SFMBT2: variants seen among roughly 807,000 people sequenced by gnomAD.
SFMBT2 encodes the protein scm-like with four MBT domains protein 2.
SFMBT2 carries 38 observed loss-of-function variants against 110.1 expected under a neutral mutation model. The ratio of observed to expected loss-of-function variants is 0.35; its 90% CI spans 0.27 to 0.45. The LOEUF is 0.45. Ranked by LOEUF, SFMBT2 falls within the 20% of genes least tolerant of loss-of-function variation. The pLI, the probability that SFMBT2 is intolerant of heterozygous loss-of-function variation, is 1.00. For missense variants in SFMBT2, 1,011 were observed against 1,094.9 expected (o/e 0.92, Z 1.08); for synonymous variants, 425 against 425.4 (o/e 1.00, Z 0.01).
At chr10:7,246,955 G>A (rs1840635583) in intron 8 of SFMBT2, among the ~76,000 whole-genome samples, 2 of 151,984 alleles carry the variant, frequency 1.3e-5, no homozygotes, top group African/African-American at 4.8e-5. Context: ...TCCGACAACT[G>A]ACAGGATACA....
intron 2 of SFMBT2, among the ~76,000 whole-genome samples, chr10:7,379,760 A>G (rs1407502250): frequency 6.6e-6 from 1 of 152,228 alleles, no homozygotes; most frequent in Non-Finnish European, 1.5e-5. Flanking sequence ...CCGATGCAAG[A>G]GCAAGGAACC....
chr10:7,401,991 T>C (rs768812360), intron 1 of SFMBT2, among the ~76,000 whole-genome samples: 5 of 152,142 alleles, frequency 3.3e-5, no homozygotes, highest in Admixed American at 1.3e-4. Context: ...CATGTACCAA[T>C]TGGTACCATT....
At chr10:7,217,435 C>A (rs556888892) in intron 11 of SFMBT2, among the ~76,000 whole-genome samples, 12 of 152,244 alleles carry the variant, frequency 7.9e-5, no homozygotes, top group African/African-American at 2.9e-4. Flanking sequence ...AACTGCTAAA[C>A]GTGAGCTAGA....
chr10:7,322,128 G>C (rs887913806), intron 4 of SFMBT2, among the ~76,000 whole-genome samples: 2 of 152,144 alleles, frequency 1.3e-5, no homozygotes, highest in East Asian at 1.9e-4. Flanking sequence ...GACCCACTAG[G>C]GGGGAATTGA....
At chr10:7,343,853 T>C (rs1276836396) in intron 4 of SFMBT2, among the ~76,000 whole-genome samples, 1 of 152,204 alleles carries the variant, frequency 6.6e-6, no homozygotes, top group Non-Finnish European at 1.5e-5. Context: ...TGTGACGTTA[T>C]CACTACAACA....
chr10:7,187,060 C>T (rs755951563), intron 16 of SFMBT2, among the ~76,000 whole-genome samples: 3 of 152,210 alleles, frequency 2.0e-5, no homozygotes, highest in Non-Finnish European at 2.9e-5. Flanking sequence ...TAATAAAAAG[C>T]TCTGATCGAC....
At chr10:7,334,237 C>A (rs1261642984) in intron 4 of SFMBT2, among the ~76,000 whole-genome samples, 1 of 152,174 alleles carries the variant, frequency 6.6e-6, no homozygotes, top group African/African-American at 2.4e-5. Flanking sequence ...GCCTGGAGAA[C>A]CAGGCTCAGA....
chr10:7,353,125 T>C (rs188320195), intron 4 of SFMBT2, among the ~76,000 whole-genome samples: 2 of 152,332 alleles, frequency 1.3e-5, no homozygotes, highest in Admixed American at 6.5e-5. Flanking sequence ...TGGCCAAAAG[T>C]TGACTATATT....
intron 9 of SFMBT2, among the ~76,000 whole-genome samples, chr10:7,233,007 G>C (rs570260276): frequency 3.3e-5 from 5 of 152,168 alleles, no homozygotes; most frequent in African/African-American, 1.2e-4. Flanking sequence ...GCTTAAGATG[G>C]GTAGGAGAAG....
chr10:7,228,779 T>TCC (rs1399826529), intron 9 of SFMBT2, among the ~76,000 whole-genome samples: 38 of 119,476 alleles, frequency 3.2e-4, no homozygotes, highest in Middle Eastern at 4.7e-3. Flanking sequence ...TCTCTCTCTC[T>TCC]CTCCCCCTCC....
At chr10:7,221,290 G>A (rs1839727635) in intron 10 of SFMBT2, among the ~76,000 whole-genome samples, 3 of 152,046 alleles carry the variant, frequency 2.0e-5, no homozygotes, top group African/African-American at 7.2e-5. Flanking sequence ...TAAAAGGTCG[G>A]GTGTGGTGGC....
rs766859921 is a variant in SFMBT2 at position 7,171,070 on chromosome 10, G to A, written c.2416-14C>T. The A allele has an allele frequency of 6.2e-7, 1 of 1,613,976 alleles. No individual in the cohort carries two copies. Among genetic ancestry groups the A allele is most frequent in the Non-Finnish European group, 8.5e-7 (1 of 1,179,930 alleles). On this transcript the variant is annotated splice_polypyrimidine_tract_variant and intron_variant, in intron 19 of 20. Transcript: ENST00000397167. The surrounding 1 kb of genome is among the most constrained non-coding windows in gnomAD (Gnocchi z 4.9). ...CTGTTTCGTGTCCTGCAGAGAAAGG[G>A]CAGGAGGAGCTCAGCTGCGGCACAG... is the stretch of plus-strand genomic sequence containing the variant.
At chr10:7,178,412 C>T (rs187797071) in intron 16 of SFMBT2, among the ~76,000 whole-genome samples, 368 of 152,306 alleles carry the variant, frequency 2.4e-3, no homozygotes, top group Non-Finnish European at 3.1e-3. Flanking sequence ...CCACAAGGAA[C>T]TGATTTTATA....
chr10:7,409,902 T>C (rs1440113939), intron 1 of SFMBT2, among the ~76,000 whole-genome samples: 3 of 148,228 alleles, frequency 2.0e-5, no homozygotes, highest in South Asian at 2.2e-4. Flanking sequence ...TCTGGATGAG[T>C]GTCCGGCCAC....
intron 15 of SFMBT2, among the ~76,000 whole-genome samples, chr10:7,193,454 A>G (rs977579470): frequency 2.0e-5 from 3 of 152,210 alleles, no homozygotes; most frequent in Non-Finnish European, 4.4e-5. Flanking sequence ...CTCCAAGGAC[A>G]ATGTCCCCCC....
At chr10:7,362,178 T>C (rs1015493825) in intron 4 of SFMBT2, among the ~76,000 whole-genome samples, 7 of 152,170 alleles carry the variant, frequency 4.6e-5, no homozygotes, top group Middle Eastern at 3.2e-3. Context: ...ATACTTTTAA[T>C]ATGAAAGATT....
At chr10:7,227,454 T>G (rs914704983) in intron 10 of SFMBT2, among the ~76,000 whole-genome samples, 1 of 152,220 alleles carries the variant, frequency 6.6e-6, no homozygotes, top group Non-Finnish European at 1.5e-5. Context: ...CAGTAGAAAG[T>G]AAACAGCAAT....
intron 4 of SFMBT2, among the ~76,000 whole-genome samples, chr10:7,338,466 G>A (rs762257663): frequency 9.2e-5 from 14 of 152,066 alleles, no homozygotes; most frequent in African/African-American, 3.1e-4. Flanking sequence ...TATTATGTGC[G>A]GTACTCTTAT....
intron 7 of SFMBT2, among the ~76,000 whole-genome samples, chr10:7,274,626 A>G (rs1235536868): frequency 6.6e-6 from 1 of 152,124 alleles, no homozygotes; most frequent in East Asian, 1.9e-4. Flanking sequence ...CTGAACTGTG[A>G]GTCAATTAAA....
Sources: gnomAD v4.1 joint callset for allele counts (sites outside exome capture counted in the v4.1 genomes callset) on GRCh38, gnomAD v4.1.1 for gene constraint, Gnocchi (gnomAD v3.1) non-coding constraint, MANE v1.5 for transcripts, NCBI Gene and HGNC (gene_info 2026-07-23, HGNC 2026-07-21) for gene names.